ITGA9: variants seen among roughly 807,000 people sequenced by gnomAD.
The protein encoded by ITGA9 is integrin alpha-9.
In ITGA9, 56 loss-of-function variants were observed where a neutral mutation model predicts 127.8. That is an observed-to-expected ratio of 0.44 (90% CI 0.35 to 0.55). The LOEUF is 0.55. ITGA9 is among the 20% of genes least tolerant of loss of function. ITGA9 has a pLI of 0.00. For missense variants in ITGA9, 1,196 were observed against 1,347.1 expected, an observed-to-expected ratio of 0.89 and a Z score of 1.76; for synonymous variants, 508 against 514.5, an observed-to-expected ratio of 0.99 and a Z score of 0.17.
At chr3:37,693,298 C>T (rs1216777706) in intron 18 of ITGA9, among the ~76,000 whole-genome samples, 2 of 152,118 alleles carry the variant, frequency 1.3e-5, no homozygotes, top group African/African-American at 4.8e-5. Flanking sequence ...CGAAGGGAAG[C>T]TCATTTTTGC....
intron 15 of ITGA9, among the ~76,000 whole-genome samples, chr3:37,614,101 T>A (rs1211727278): frequency 3.3e-5 from 5 of 152,192 alleles, no homozygotes; most frequent in Non-Finnish European, 7.4e-5. Context: ...GTTTTAGGTC[T>A]AACATTTAAG....
intron 21 of ITGA9, among the ~76,000 whole-genome samples, chr3:37,742,974 C>T (rs1339345684): frequency 6.6e-6 from 1 of 152,190 alleles, no homozygotes; most frequent in Admixed American, 6.5e-5. Flanking sequence ...CAAGCCCTAT[C>T]CTTGGGGACA....
intron 15 of ITGA9, among the ~76,000 whole-genome samples, chr3:37,580,185 T>A (rs1031817613): frequency 2.6e-5 from 4 of 152,218 alleles, no homozygotes; most frequent in Admixed American, 2.6e-4. Context: ...TTTCACTCTT[T>A]TTTTCAAGTT....
chr3:37,674,132 T>C lies in ITGA9; in HGVS notation c.1917-9733T>C, dbSNP rs978072877. Reference sequence around the variant, plus strand: ...ATGTTGTGGTTTTGAGAATGGGCTTTTATATTATTTGGCGTAGATTATTAA... The same window carrying C: ...ATGTTGTGGTTTTGAGAATGGGCTTCTATATTATTTGGCGTAGATTATTAA... On this transcript the variant is annotated intron_variant, in intron 17 of 27. Transcript: ENST00000264741. Among the ~76,000 whole-genome samples the C allele has an allele frequency of 2.6e-5, 4 of 152,202 alleles. No individual in the cohort carries two copies. In the South Asian group the frequency reaches 8.3e-4, roughly 32 times the overall value.
intron 18 of ITGA9, among the ~76,000 whole-genome samples, chr3:37,726,976 C>G (rs998133492): frequency 3.9e-5 from 6 of 152,198 alleles, no homozygotes; most frequent in Non-Finnish European, 7.3e-5. Flanking sequence ...GTTGAAAATG[C>G]ATTTAATACA....
intron 18 of ITGA9, among the ~76,000 whole-genome samples, chr3:37,692,145 C>T (rs1046754922): frequency 1.3e-5 from 2 of 152,144 alleles, no homozygotes; most frequent in African/African-American, 2.4e-5. Flanking sequence ...GAGTCCTACA[C>T]CATCATGTAC....
intron 18 of ITGA9, among the ~76,000 whole-genome samples, chr3:37,694,874 G>T (rs1028329167): frequency 6.6e-6 from 1 of 152,178 alleles, no homozygotes; most frequent in Admixed American, 6.5e-5. Context: ...CAAAAATCGA[G>T]AACTTCAGTG....
chr3:37,686,807 G>A (rs1451139223), intron 18 of ITGA9, among the ~76,000 whole-genome samples: 3 of 152,118 alleles, frequency 2.0e-5, no homozygotes, highest in African/African-American at 7.2e-5. Context: ...GGAAAAGGAA[G>A]GGAAAAGAAA....
At chr3:37,709,324 C>T (rs1701051779) in intron 18 of ITGA9, among the ~76,000 whole-genome samples, 1 of 152,150 alleles carries the variant, frequency 6.6e-6, no homozygotes. Flanking sequence ...TCTCTCCCAG[C>T]AAAGTAGTAA....
At chr3:37,659,311 C>T (rs536818513) in intron 17 of ITGA9, among the ~76,000 whole-genome samples, 9 of 152,162 alleles carry the variant, frequency 5.9e-5, no homozygotes, top group Non-Finnish European at 1.2e-4. Context: ...CTTTCAGATA[C>T]ACCAATCAAA....
intron 1 of ITGA9, among the ~76,000 whole-genome samples, chr3:37,453,564 T>C (rs1036420842): frequency 3.3e-5 from 5 of 152,010 alleles, no homozygotes; most frequent in Admixed American, 6.5e-5. Context: ...TGCGGGAAGT[T>C]CCCCCGTTCA....
intron 4 of ITGA9, among the ~76,000 whole-genome samples, chr3:37,484,202 C>T (rs1191950449): frequency 6.6e-6 from 1 of 152,146 alleles, no homozygotes; most frequent in Admixed American, 6.6e-5. Context: ...ATGGATGGGG[C>T]TGGCATGTGG....
chr3:37,694,554 C>T (rs1292773740), intron 18 of ITGA9, among the ~76,000 whole-genome samples: 1 of 152,136 alleles, frequency 6.6e-6, no homozygotes, highest in African/African-American at 2.4e-5. Context: ...GTATTCACTG[C>T]GTTTGGAAGG....
At chr3:37,667,585 A>G (rs2125654800) in intron 17 of ITGA9, among the ~76,000 whole-genome samples, 1 of 152,344 alleles carries the variant, frequency 6.6e-6, no homozygotes, top group East Asian at 1.9e-4. Flanking sequence ...CCCTGGCTCC[A>G]GCGCAGCTCA....
chr3:37,475,925 T>A (rs1025451254), intron 3 of ITGA9, among the ~76,000 whole-genome samples: 29 of 152,248 alleles, frequency 1.9e-4, no homozygotes, highest in African/African-American at 6.8e-4. Flanking sequence ...CTACTTTAGA[T>A]CTTATGTGAG....
intron 27 of ITGA9, among the ~76,000 whole-genome samples, chr3:37,815,245 A>G (rs1356662810): frequency 6.6e-6 from 1 of 152,244 alleles, no homozygotes. Flanking sequence ...CACACTGTCT[A>G]TGTCAAATCC....
At chr3:37,535,100 G>A (rs1419152306) in intron 14 of ITGA9, among the ~76,000 whole-genome samples, 2 of 152,214 alleles carry the variant, frequency 1.3e-5, no homozygotes, top group African/African-American at 4.8e-5. Flanking sequence ...AAGGGCAAAC[G>A]AGTAATAGTT....
chr3:37,570,658 C>T (rs2125604520), intron 15 of ITGA9, among the ~76,000 whole-genome samples: 1 of 152,312 alleles, frequency 6.6e-6, no homozygotes, highest in African/African-American at 2.4e-5. Context: ...CAAACTTTGA[C>T]ATGTGAGAGT....
intron 2 of ITGA9, 67 bp downstream of exon 2, chr3:37,471,201 C>A: frequency 6.3e-7 from 1 of 1,575,878 alleles, no homozygotes; most frequent in Non-Finnish European, 8.7e-7. Flanking sequence ...TTCTTCTTCC[C>A]AGGATGGCCT....
Sources: allele counts gnomAD v4.1 joint callset (sites outside exome capture counted in the v4.1 genomes callset), GRCh38; gene constraint gnomAD v4.1.1; transcripts MANE v1.5; gene names NCBI Gene and HGNC (gene_info 2026-07-23, HGNC 2026-07-21).